ACSM3: variants seen among roughly 807,000 people sequenced by gnomAD.
The protein encoded by ACSM3 is acyl-CoA synthetase medium chain family member 3.
Under a neutral mutation model 74.1 loss-of-function variants are expected in ACSM3, and 61 were observed. The ratio of observed to expected loss-of-function variants is 0.82; its 90% confidence interval spans 0.67 to 1.02. ACSM3 has a LOEUF of 1.02. Ranked by LOEUF, ACSM3 falls within the 50% of genes least tolerant of loss-of-function variation. The pLI is 0.00. For synonymous variants in ACSM3, 213 were observed against 241.5 expected (o/e 0.88, Z 1.09); for missense variants, 660 against 697.0 (o/e 0.95, Z 0.60).
chr16:20,736,378 TAAAAAAAAAA>T (rs33947944), intron 1 of ACSM3: 1 of 129,244 alleles, frequency 7.7e-6, no homozygotes, highest in Non-Finnish European at 1.6e-5. Context: ...ACACAAATGT[TAAAAAAAAAA>T]AAAAAAAACA....
At chr16:20,705,994 C>G (rs2079726252) in intron 1 of ACSM3, among the ~76,000 whole-genome samples, 1 of 151,890 alleles carries the variant, frequency 6.6e-6, no homozygotes, top group South Asian at 2.1e-4. Context: ...ATTTAGCATA[C>G]TTGAAATTAG....
intron 1 of ACSM3, among the ~76,000 whole-genome samples, chr16:20,724,181 A>G (rs2152397421): frequency 6.6e-6 from 1 of 152,324 alleles, no homozygotes; most frequent in East Asian, 1.9e-4. Context: ...GTCAAAGATC[A>G]GGTAGTTGTA....
chr16:20,737,881 C>T (rs1364856574), intron 1 of ACSM3: 4 of 1,613,584 alleles, frequency 2.5e-6, no homozygotes, highest in African/African-American at 1.3e-5. Flanking sequence ...GGGTAACATT[C>T]GCAAAATAAC....
At chr16:20,739,969 C>T (rs1264316486) in intron 1 of ACSM3, among the ~76,000 whole-genome samples, 4 of 152,160 alleles carry the variant, frequency 2.6e-5, no homozygotes, top group Admixed American at 6.5e-5. Flanking sequence ...TAGGGTGGAC[C>T]TTAACACGTT....
intron 1 of ACSM3, among the ~76,000 whole-genome samples, chr16:20,683,566 C>A (rs968519758): frequency 3.3e-5 from 5 of 151,998 alleles, no homozygotes; most frequent in Non-Finnish European, 2.9e-5. Context: ...AATGGCCATG[C>A]CTCACCCCAT....
At chr16:20,687,712 A>G (rs2079578056) in intron 1 of ACSM3, among the ~76,000 whole-genome samples, 1 of 152,188 alleles carries the variant, frequency 6.6e-6, no homozygotes, top group African/African-American at 2.4e-5. Flanking sequence ...GAAACCACAG[A>G]TCCACACCTA....
chr16:20,691,411 A>G (rs1406212727), intron 1 of ACSM3, among the ~76,000 whole-genome samples: 2 of 152,162 alleles, frequency 1.3e-5, no homozygotes, highest in East Asian at 1.9e-4. Flanking sequence ...GAGGAACCAC[A>G]TGGCAGAAAA....
rs1488728904 is a variant in ACSM3, at chr16:20,777,389, A to G, written c.447A>G (p.Pro149=). Residue 149 remains proline, a synonymous_variant, in exon 4 of 14, where the codon CCA becomes CCG. Transcript: ENST00000289416. ...CCCCTTTAGGGACAGTTTTAATTCC[A>G]GGAACCACTCAGCTGACCCAGAAAG... ...ACLRTGTVLI[P]GTTQLTQKDI... is the part of the protein sequence containing the mutation. 1.9e-6 allele frequency: 3 copies of G among 1,613,832 alleles called. No individual in the cohort carries two copies. Among genetic ancestry groups the G allele is most frequent in the Non-Finnish European group, 2.5e-6 (3 of 1,179,846 alleles).
chr16:20,757,684 T>G (rs1184943884), intron 3 of ACSM3, among the ~76,000 whole-genome samples: 1 of 146,458 alleles, frequency 6.8e-6, no homozygotes, highest in African/African-American at 2.5e-5. Flanking sequence ...TGAATAGGAG[T>G]GGTGAGAGAG....
chr16:20,708,017 C>G (rs1221952868), intron 1 of ACSM3, among the ~76,000 whole-genome samples: 2 of 152,186 alleles, frequency 1.3e-5, no homozygotes, highest in Non-Finnish European at 2.9e-5. Flanking sequence ...AAAAGTTTTT[C>G]TTGCAGGGCA....
chr16:20,770,537 A>G (rs201589162), intron 2 of ACSM3, among the ~76,000 whole-genome samples: 11,112 of 152,234 alleles, frequency 0.073, 526 homozygotes, highest in East Asian at 0.21. Context: ...ACTTAAAAAA[A>G]AAAAAGGAGA....
chr16:20,715,026 T>G (rs1054500524), intron 1 of ACSM3, among the ~76,000 whole-genome samples: 1 of 152,120 alleles, frequency 6.6e-6, no homozygotes, highest in African/African-American at 2.4e-5. Flanking sequence ...GATGGATGGA[T>G]AGATGAAAGG....
At chr16:20,718,015 AAG>A (rs2079771255) in intron 1 of ACSM3, among the ~76,000 whole-genome samples, 2 of 148,926 alleles carry the variant, frequency 1.3e-5, no homozygotes, top group African/African-American at 5.1e-5. Context: ...GAAGAAGAAG[AAG>A]AAGAAGAAGA....
intron 2 of ACSM3, among the ~76,000 whole-genome samples, chr16:20,750,697 C>G (rs1156751559): frequency 6.6e-6 from 1 of 152,166 alleles, no homozygotes. Context: ...GACTAATACA[C>G]TGGGAATCCA....
chr16:20,719,478 T>C, intron 1 of ACSM3: 1 of 197,850 alleles, frequency 5.1e-6, no homozygotes, highest in South Asian at 1.1e-4. Flanking sequence ...ACCAGGCTTC[T>C]TGGGCTTCTG....
chr16:20,733,874 GTTTT>G (rs954497459), intron 1 of ACSM3: 1 of 151,858 alleles, frequency 6.6e-6, no homozygotes, highest in African/African-American at 2.4e-5. Flanking sequence ...TAAGACTGCA[GTTTT>G]TTTATTTTTT....
intron 1 of ACSM3, chr16:20,734,756 C>T (rs1005073997): frequency 6.6e-6 from 1 of 152,150 alleles, no homozygotes; most frequent in Non-Finnish European, 1.5e-5. Flanking sequence ...AACCCCTAAA[C>T]CCCTGCAGAG....
chr16:20,790,984 A>G lies in ACSM3; in HGVS notation c.1326+296A>G. 2 of 1,569,888 alleles carry G rather than the reference A, an allele frequency of 1.3e-6. No individual in the cohort carries two copies. Among genetic ancestry groups the G allele is most frequent in the Non-Finnish European group, 1.7e-6 (2 of 1,151,210 alleles). ...CCCCTGATCCTCTCAATTATCAAAC[A>G]AAACCCACTCATTTTCCTGAAATCC... On this transcript the variant is annotated intron_variant, in intron 10 of 13. Coordinates refer to ENST00000289416, the MANE Select transcript of ACSM3 (RefSeq NM_005622.4). This position sits in a 1 kb window ranked among gnomAD's most constrained non-coding sequence, Gnocchi z 4.0.
At chr16:20,787,387 A>T (rs2080497853) in intron 9 of ACSM3, among the ~76,000 whole-genome samples, 1 of 152,318 alleles carries the variant, frequency 6.6e-6, no homozygotes, top group Non-Finnish European at 1.5e-5. Flanking sequence ...ACGTTAAGAG[A>T]CAGCAAAAGC....
Sources: gnomAD v4.1 joint callset for allele counts (sites outside exome capture counted in the v4.1 genomes callset) on GRCh38, gnomAD v4.1.1 for gene constraint, Gnocchi (gnomAD v3.1) non-coding constraint, MANE v1.5 for transcripts, NCBI Gene and HGNC (gene_info 2026-07-23, HGNC 2026-07-21) for gene names.